Variants in NTRK2 observed in about 807,000 individuals in gnomAD.
NTRK2 encodes the protein BDNF/NT-3 growth factors receptor.
A neutral mutation model predicts 94.5 loss-of-function variants in NTRK2; 13 were observed. The ratio of observed to expected loss-of-function variants is 0.14; its 90% confidence interval spans 0.09 to 0.22. NTRK2 has a LOEUF of 0.22. Among genes scored for constraint, NTRK2 ranks in the 10% least tolerant of loss-of-function variants. The pLI, the probability that NTRK2 is intolerant of heterozygous loss-of-function variation, is 1.00. For synonymous variants in NTRK2, 372 were observed against 407.4 expected, an observed-to-expected ratio of 0.91 and a Z score of 1.05; for missense variants, 639 against 1,071.2, an observed-to-expected ratio of 0.60 and a Z score of 5.63.
intron 12 of NTRK2, among the ~76,000 whole-genome samples, chr9:84,809,743 G>T (rs972679547): frequency 1.3e-5 from 2 of 151,712 alleles, no homozygotes; most frequent in Non-Finnish European, 2.9e-5. Flanking sequence ...TTAGCCGCGC[G>T]TGGTGGCACA....
In NTRK2 at chr9:85,025,498, C is replaced by G. The variant is rs1244660486; in HGVS notation, c.*4061C>G. On this transcript the variant is annotated 3_prime_UTR_variant, in exon 19 of 19. Coordinates refer to ENST00000277120, the MANE Select transcript of NTRK2 (RefSeq NM_006180.6). ...CCACATCCTAGAGTGAATGCACCAACTAACAGTATAGAATGCTGTCCTTTT... is the reference window on the plus strand; with the variant it reads ...CCACATCCTAGAGTGAATGCACCAAGTAACAGTATAGAATGCTGTCCTTTT... 4.3e-6 allele frequency: 1 copy of G among 233,224 alleles called. No homozygotes were observed. Among genetic ancestry groups the G allele is most frequent in the Non-Finnish European group, 8.5e-6 (1 of 117,998 alleles). 14.4% of individuals were successfully genotyped at this position (233,224 alleles called of 1,614,324 possible). A position where few individuals can be genotyped will look rare whatever the true frequency, so the allele number is the denominator to read the frequency against.
Position 84,670,569 on chromosome 9 carries a change from G to GCCGGAACACTCTTCGCT in NTRK2, c.-174_-158dup. 1.5e-6 allele frequency: 1 copy of GCCGGAACACTCTTCGCT among 663,878 alleles called. No homozygotes were observed. Among genetic ancestry groups the GCCGGAACACTCTTCGCT allele is most frequent in the South Asian group, 1.8e-5 (1 of 56,400 alleles). The allele number at this position is 663,878 out of a possible 1,614,324, so 41.1% of individuals were successfully genotyped here. ...GGGGCCACTGTGAACCCTGCCGCCTGCCGGAACACTCTTCGCTCCGGACCA... is the reference window on the plus strand; with the variant it reads ...GGGGCCACTGTGAACCCTGCCGCCTGCCGGAACACTCTTCGCTCCGGAACACTCTTCGCTCCGGACCA... On this transcript the variant is annotated 5_prime_UTR_variant, in exon 2 of 19. Transcript: ENST00000277120.
At chr9:84,718,309 G>T (rs188790781) in intron 6 of NTRK2, among the ~76,000 whole-genome samples, 1 of 152,154 alleles carries the variant, frequency 6.6e-6, no homozygotes, top group African/African-American at 2.4e-5. Context: ...AAATTCTTAA[G>T]CCCCAACTCA....
At chr9:85,001,024 A>G (rs531874685) in intron 17 of NTRK2, among the ~76,000 whole-genome samples, 22 of 152,346 alleles carry the variant, frequency 1.4e-4, no homozygotes, top group Admixed American at 1.4e-3. Context: ...TCACCACTTA[A>G]TCGCATCTCA....
At chr9:84,722,368 A>G (rs1199358065) in intron 6 of NTRK2, among the ~76,000 whole-genome samples, 1 of 152,074 alleles carries the variant, frequency 6.6e-6, no homozygotes, top group East Asian at 1.9e-4. Context: ...ACTAATAAAG[A>G]AAGATGGCTT....
chr9:84,783,503 T>C (rs926713838), intron 12 of NTRK2, among the ~76,000 whole-genome samples: 3 of 152,212 alleles, frequency 2.0e-5, no homozygotes, highest in African/African-American at 7.2e-5. Context: ...GGCATTGGGT[T>C]AGATGGTCCT....
At chr9:84,699,816 T>G (rs564786600) in intron 2 of NTRK2, among the ~76,000 whole-genome samples, 2 of 152,226 alleles carry the variant, frequency 1.3e-5, no homozygotes, top group African/African-American at 4.8e-5. Context: ...TCTCTACCCC[T>G]GTCTTTCTCT....
At chr9:84,974,492 G>A (rs1429929751) in intron 17 of NTRK2, among the ~76,000 whole-genome samples, 1 of 152,200 alleles carries the variant, frequency 6.6e-6, no homozygotes, top group Admixed American at 6.5e-5. Flanking sequence ...TAAAGCTCTT[G>A]TGTAACTTGG....
chr9:84,724,249 C>A lies in NTRK2; in HGVS notation c.746C>A (p.Ser249Tyr), dbSNP rs772111782. ...AATGAAACAAGCCACACACAGGGCTCCTTAAGGATAACTAACATTTCATCC... is the reference window on the plus strand; with the variant it reads ...AATGAAACAAGCCACACACAGGGCTACTTAAGGATAACTAACATTTCATCC... Reference protein sequence around the residue: ...HMNETSHTQGSLRITNISSDD... With the variant: ...HMNETSHTQGYLRITNISSDD... Residue 249 changes from serine to tyrosine, a missense_variant, in exon 8 of 19, where the codon TCC becomes TAC. Physicochemically the swap from Ser to Tyr is moderately radical, Grantham distance 144. Transcript: ENST00000277120. 2.4e-5 allele frequency: 39 copies of A among 1,614,004 alleles called. No individual in the cohort carries two copies. In the Admixed American group the frequency reaches 6.5e-4, roughly 27 times the overall value.
chr9:84,912,831 T>A (rs533884344), intron 14 of NTRK2, among the ~76,000 whole-genome samples: 1 of 152,162 alleles, frequency 6.6e-6, no homozygotes, highest in African/African-American at 2.4e-5. Flanking sequence ...TTAGCCAGGA[T>A]GGTCTCGATC....
chr9:84,978,087 T>C (rs1827121043), intron 17 of NTRK2, among the ~76,000 whole-genome samples: 1 of 152,182 alleles, frequency 6.6e-6, no homozygotes, highest in African/African-American at 2.4e-5. Flanking sequence ...AATATTGAAA[T>C]TTGGACAATT....
chr9:85,017,543 A>G (rs1475209105), intron 17 of NTRK2, among the ~76,000 whole-genome samples: 4 of 152,222 alleles, frequency 2.6e-5, no homozygotes, highest in Admixed American at 2.0e-4. Context: ...ATAAATGGTT[A>G]TCTCTCCCAC....
At chr9:84,986,203 C>T (rs909371604) in intron 17 of NTRK2, among the ~76,000 whole-genome samples, 3 of 152,120 alleles carry the variant, frequency 2.0e-5, no homozygotes, top group Non-Finnish European at 2.9e-5. Flanking sequence ...CGCTGCCCCC[C>T]GACCCCTGCT....
intron 17 of NTRK2, among the ~76,000 whole-genome samples, chr9:84,957,848 C>T (rs1824344713): frequency 6.6e-6 from 1 of 152,140 alleles, no homozygotes; most frequent in Non-Finnish European, 1.5e-5. Flanking sequence ...GTTTATTGTC[C>T]ATCAACTGAT....
At chr9:84,795,487 G>A (rs113072730) in intron 12 of NTRK2, among the ~76,000 whole-genome samples, 2 of 152,096 alleles carry the variant, frequency 1.3e-5, no homozygotes, top group Non-Finnish European at 2.9e-5. Flanking sequence ...GGTGCAGGCC[G>A]AGCACAGTGC....
chr9:84,860,087 T>C (rs1257746206), intron 12 of NTRK2, among the ~76,000 whole-genome samples: 1 of 152,210 alleles, frequency 6.6e-6, no homozygotes, highest in Admixed American at 6.5e-5. Flanking sequence ...ACATTGTTCA[T>C]TTAAATTGAT....
chr9:84,873,476 C>T (rs1394116344), intron 14 of NTRK2: 1 of 1,059,728 alleles, frequency 9.4e-7, no homozygotes, highest in African/African-American at 1.6e-5. Flanking sequence ...GGTCCCAATA[C>T]AATTCCTTCC....
chr9:84,732,112 A>G (rs1409422476), intron 9 of NTRK2, among the ~76,000 whole-genome samples: 4 of 152,232 alleles, frequency 2.6e-5, no homozygotes, highest in African/African-American at 9.6e-5. Flanking sequence ...GCAAACTTTC[A>G]GCTTCAAAAT....
intron 17 of NTRK2, among the ~76,000 whole-genome samples, chr9:84,982,402 G>T (rs1166796147): frequency 6.6e-6 from 1 of 152,176 alleles, no homozygotes. Context: ...GGAGTCTGTG[G>T]CAGCACCAGG....
Sources: allele counts gnomAD v4.1 joint callset (sites outside exome capture counted in the v4.1 genomes callset), GRCh38; gene constraint gnomAD v4.1.1; transcripts MANE v1.5; gene names NCBI Gene and HGNC (gene_info 2026-07-23, HGNC 2026-07-21).